Variants in MAOB observed in about 807,000 individuals in gnomAD.
MAOB encodes the protein monoamine oxidase B, also known as amine oxidase [flavin-containing] B.
MAOB carries 15 observed loss-of-function variants against 41.9 expected under a neutral mutation model. The ratio of observed to expected loss-of-function variants is 0.36; its 90% CI spans 0.24 to 0.55. The LOEUF (loss-of-function observed/expected upper bound fraction) is 0.55. Ranked by LOEUF, MAOB falls within the 20% of genes least tolerant of loss-of-function variation. The pLI, the probability that MAOB is intolerant of heterozygous loss-of-function variation, is 0.86. For synonymous variants in MAOB, 167 were observed against 144.2 expected (o/e 1.16, Z -1.13); for missense variants, 345 against 398.7 (o/e 0.87, Z 1.15).
intron 8 of MAOB, among the ~76,000 whole-genome samples, chrX:43,788,681 T>C (rs760552958): frequency 1.3e-4 from 14 of 111,611 alleles, no homozygotes; most frequent in Non-Finnish European, 2.6e-4. Context: ...TTAAATGTAC[T>C]GCTATGGAGA....
intron 2 of MAOB, among the ~76,000 whole-genome samples, chrX:43,842,127 A>C (rs2035144163): frequency 3.6e-5 from 4 of 112,254 alleles, no homozygotes; most frequent in Non-Finnish European, 5.6e-5. Context: ...ATAAAATGAT[A>C]GTTTTCTTTA....
At chrX:43,795,982 C>CT (rs1399729359) in intron 6 of MAOB, 94 bp from the exon 7 acceptor site, 2 of 915,591 alleles carry the variant, frequency 2.2e-6, no homozygotes, top group African/African-American at 4.0e-5. Context: ...TCTGAGATGT[C>CT]TAACATTTCA....
intron 3 of MAOB, among the ~76,000 whole-genome samples, chrX:43,819,150 T>G (rs911386808): frequency 1.8e-5 from 2 of 110,900 alleles, no homozygotes; most frequent in Admixed American, 1.9e-4. Context: ...AAGAGTGGAG[T>G]TCCCAAGTGG....
intron 3 of MAOB, among the ~76,000 whole-genome samples, chrX:43,818,860 T>C (rs765378714): frequency 2.7e-5 from 3 of 112,351 alleles, no homozygotes; most frequent in African/African-American, 9.7e-5. Context: ...GGCAGGTCCA[T>C]GAAAACAGAG....
rs1252701138 is a variant in MAOB at position 43,781,475 on chromosome X, G to A, written c.998C>T (p.Pro333Leu). The change falls in exon 9 of 15, where the codon CCT becomes CTT. Residue 333 changes from proline (P) to leucine (L), a missense_variant. Pro to Leu is a moderately conservative substitution (Grantham distance 98, BLOSUM62 -3). Transcript: ENST00000378069. The part of the protein sequence containing the change: ...PVAYTLDDTK[P>L]EGNYAAIMGF... ...CATTATGGCAGCATAGTTGCCTTCA[G>A]GTTTGGTATCATCCAACGTGTAGGC... The A allele has an allele frequency of 8.4e-7, 1 of 1,197,331 alleles. No homozygotes were observed. The highest frequency in any genetic ancestry group is 1.8e-5 in the South Asian group (1 of 54,625).
In MAOB at chrX:43,855,334, C is replaced by T. The variant is rs139767675; in HGVS notation, c.47-11570G>A. ...CATATTAAAACTGTACAGTCCCATCCTAACAGTGTATAGACTTTGACCCAC... is the reference window on the plus strand; with the variant it reads ...CATATTAAAACTGTACAGTCCCATCTTAACAGTGTATAGACTTTGACCCAC... On this transcript the variant is annotated intron_variant, in intron 1 of 14. Coordinates refer to ENST00000378069, the MANE Select transcript of MAOB (RefSeq NM_000898.5). Among the ~76,000 whole-genome samples, 340 of 111,555 alleles carry T rather than the reference C, an allele frequency of 3.0e-3. 3 individuals are homozygous for T. The highest frequency in any genetic ancestry group is 0.011 in the African/African-American group (324 of 30,665).
intron 1 of MAOB, among the ~76,000 whole-genome samples, chrX:43,862,372 T>C (rs917631469): frequency 1.3e-4 from 15 of 111,931 alleles, no homozygotes; most frequent in African/African-American, 4.5e-4. Context: ...CTTGTCTCTC[T>C]TAACTGACCC....
intron 1 of MAOB, among the ~76,000 whole-genome samples, chrX:43,846,305 G>A (rs180835113): frequency 7.3e-4 from 82 of 112,312 alleles, no homozygotes; most frequent in African/African-American, 2.1e-3. Context: ...CCGTCTTTTA[G>A]TAAATGCATT....
At chrX:43,792,173 C>T (rs1452342901) in intron 8 of MAOB, among the ~76,000 whole-genome samples, 5 of 112,031 alleles carry the variant, frequency 4.5e-5, no homozygotes, top group Non-Finnish European at 9.4e-5. Flanking sequence ...TGGTTATATT[C>T]TAAAGAAAGT....
At chrX:43,839,149 T>A (rs1001881957) in intron 2 of MAOB, 144 bp from the exon 3 acceptor site, 2 of 361,382 alleles carry the variant, frequency 5.5e-6, no homozygotes, top group Admixed American at 5.5e-5. Context: ...GATTTTGTTA[T>A]CAACTCTACT....
At chrX:43,799,962 T>A (rs1211043020) in intron 5 of MAOB, among the ~76,000 whole-genome samples, 1 of 111,794 alleles carries the variant, frequency 8.9e-6, no homozygotes, top group Non-Finnish European at 1.9e-5. Context: ...TAAATGATAA[T>A]AACTGAAAGA....
chrX:43,828,610 C>T (rs911069593), intron 3 of MAOB, among the ~76,000 whole-genome samples: 3 of 111,350 alleles, frequency 2.7e-5, no homozygotes, highest in Non-Finnish European at 3.8e-5. Flanking sequence ...GGGCCTGCCC[C>T]GCAATTCAGT....
intron 5 of MAOB, among the ~76,000 whole-genome samples, chrX:43,801,550 A>G (rs1240499611): frequency 1.8e-5 from 2 of 112,250 alleles, no homozygotes; most frequent in Non-Finnish European, 3.8e-5. Flanking sequence ...CCTGCTGTCC[A>G]AGAGCAGTGT....
intron 2 of MAOB, 92 bp downstream of exon 2, chrX:43,843,578 T>A (rs2035166265): frequency 2.4e-6 from 2 of 821,096 alleles, no homozygotes; most frequent in African/African-American, 2.0e-5. Context: ...TAGAGTCAAA[T>A]GAAATTGAAG....
At chrX:43,774,361 T>A (rs1260173229) in intron 12 of MAOB, among the ~76,000 whole-genome samples, 3 of 112,030 alleles carry the variant, frequency 2.7e-5, no homozygotes, top group South Asian at 3.7e-4. Flanking sequence ...GCCATTGAAC[T>A]GTGCACCGTT....
chrX:43,804,771 G>A (rs1349730619), intron 3 of MAOB, among the ~76,000 whole-genome samples: 1 of 111,672 alleles, frequency 9.0e-6, no homozygotes, highest in Non-Finnish European at 1.9e-5. Context: ...GACTTCAACT[G>A]ATTGGATAAA....
In MAOB at chrX:43,844,015, C is replaced by T. The variant is rs187693285; in HGVS notation, c.47-251G>A. 4.0e-4 allele frequency: 280 copies of T among 708,682 alleles called. 1 individual carries two copies. Among genetic ancestry groups the T allele is most frequent in the South Asian group, 2.7e-3 (43 of 16,058 alleles). 58.4% of individuals were successfully genotyped at this position (708,682 alleles called of 1,213,427 possible). A position where few individuals can be genotyped will look rare whatever the true frequency, so the allele number is the denominator to read the frequency against. On this transcript the variant is annotated intron_variant, in intron 1 of 14. Transcript: ENST00000378069. ...ATCCTCTGCCACTATATCAAAATGT[C>T]TATTTTAATGACTAAATTGCATGTC... is the stretch of plus-strand genomic sequence containing the variant.
intron 2 of MAOB, 76 bp from the exon 3 acceptor site, chrX:43,839,081 G>A: frequency 1.3e-6 from 1 of 782,808 alleles, no homozygotes; most frequent in Non-Finnish European, 1.8e-6. Context: ...CCTGAAATAA[G>A]CAAATCGACA....
chrX:43,879,358 G>A (rs1268171205), intron 1 of MAOB, among the ~76,000 whole-genome samples: 1 of 112,316 alleles, frequency 8.9e-6, no homozygotes, highest in African/African-American at 3.2e-5. Context: ...TCAGGGAATT[G>A]CCAGAATGTC....
Sources: allele counts gnomAD v4.1 joint callset (sites outside exome capture counted in the v4.1 genomes callset), GRCh38; gene constraint gnomAD v4.1.1; transcripts MANE v1.5; gene names NCBI Gene and HGNC (gene_info 2026-07-23, HGNC 2026-07-21).